Variants in ANKFN1 observed in about 807,000 individuals in gnomAD.
ANKFN1 encodes the protein ankyrin repeat and fibronectin type-III domain-containing protein 1.
Under a neutral mutation model 108.7 loss-of-function variants are expected in ANKFN1, and 74 were observed. The observed-to-expected ratio is 0.68, with a 90% CI of 0.56 to 0.83. The LOEUF (loss-of-function observed/expected upper bound fraction) is 0.83, where lower values mean the gene tolerates loss of function less well. ANKFN1 is among the 40% of genes least tolerant of loss of function. The pLI is 0.00. For synonymous variants in ANKFN1, 547 were observed against 516.2 expected, an observed-to-expected ratio of 1.06 and a Z score of -0.81; for missense variants, 1,505 against 1,382.3, an observed-to-expected ratio of 1.09 and a Z score of -1.41.
chr17:56,332,443 C>A (rs1451415710), intron 4 of ANKFN1, among the ~76,000 whole-genome samples: 1 of 152,052 alleles, frequency 6.6e-6, no homozygotes, highest in African/African-American at 2.4e-5. Context: ...CTAGGATGAT[C>A]TATTTCAGGT....
chr17:56,199,804 A>T (rs1913883049), intron 1 of ANKFN1, among the ~76,000 whole-genome samples: 1 of 152,194 alleles, frequency 6.6e-6, no homozygotes, highest in African/African-American at 2.4e-5. Context: ...GAACACATTT[A>T]TACTAAAAAC....
chr17:56,229,863 T>G (rs1916594766), intron 3 of ANKFN1, among the ~76,000 whole-genome samples: 2 of 151,814 alleles, frequency 1.3e-5, no homozygotes, highest in Admixed American at 6.6e-5. Flanking sequence ...ACAAAATGGG[T>G]CTACCCAGCT....
chr17:56,377,583 G>A (rs1330004154), intron 8 of ANKFN1, among the ~76,000 whole-genome samples: 1 of 152,138 alleles, frequency 6.6e-6, no homozygotes, highest in East Asian at 1.9e-4. Flanking sequence ...GGCTGACAGA[G>A]GAAAACCTAC....
chr17:56,312,572 G>T (rs565476081), intron 3 of ANKFN1, among the ~76,000 whole-genome samples: 1 of 152,198 alleles, frequency 6.6e-6, no homozygotes, highest in East Asian at 1.9e-4. Flanking sequence ...GTCCTCCACA[G>T]ACCTCCTTTC....
chr17:56,130,448 G>A (rs1598119712), intron 4 of ANKFN1, among the ~76,000 whole-genome samples: 1 of 152,076 alleles, frequency 6.6e-6, no homozygotes, highest in Non-Finnish European at 1.5e-5. Context: ...AAAAAAAAAT[G>A]CAAAGTGCAA....
At chr17:56,152,493 G>A (rs545785873), upstream of ANKFN1, among the ~76,000 whole-genome samples, 6 of 151,944 alleles carry the variant, frequency 3.9e-5, no homozygotes, top group Admixed American at 3.9e-4. Context: ...AAAGCAATTA[G>A]ACATTCATGA....
intron 8 of ANKFN1, among the ~76,000 whole-genome samples, chr17:56,430,529 C>CACAT (rs2048721320): frequency 6.6e-6 from 1 of 151,594 alleles, no homozygotes; most frequent in Non-Finnish European, 1.5e-5. Context: ...CACACACACA[C>CACAT]ACACACACAA....
At chr17:56,508,107 G>A (rs905812493) in intron 20 of ANKFN1, among the ~76,000 whole-genome samples, 6 of 152,132 alleles carry the variant, frequency 3.9e-5, no homozygotes, top group Non-Finnish European at 8.8e-5. Context: ...CTCTTGCTTA[G>A]CCCCACAGCC....
chr17:56,147,743 A>G (rs896965712), intron 4 of ANKFN1, among the ~76,000 whole-genome samples: 1 of 152,176 alleles, frequency 6.6e-6, no homozygotes, highest in Admixed American at 6.5e-5. Flanking sequence ...CTTCATATCC[A>G]TGATGTTATT....
At chr17:56,254,423 ATTATCTAAGGGTGG>A (rs1187670722) in intron 3 of ANKFN1, among the ~76,000 whole-genome samples, 2 of 152,178 alleles carry the variant, frequency 1.3e-5, no homozygotes, top group African/African-American at 4.8e-5. Context: ...TGTACCTTTC[ATTATCTAAGGGTGG>A]TTAGTTGTAC....
intron 8 of ANKFN1, among the ~76,000 whole-genome samples, chr17:56,401,205 C>G: frequency 6.6e-6 from 1 of 152,134 alleles, no homozygotes; most frequent in East Asian, 1.9e-4. Context: ...GATATTGGTT[C>G]TACCCATCCA....
intron 8 of ANKFN1, among the ~76,000 whole-genome samples, chr17:56,436,735 C>T (rs1482193493): frequency 2.0e-5 from 3 of 150,798 alleles, no homozygotes; most frequent in Non-Finnish European, 4.4e-5. Context: ...GAGGCTGAGA[C>T]AGGAAAATCA....
chr17:56,055,588 T>TATATA (rs1491237982), intron 4 of ANKFN1, among the ~76,000 whole-genome samples: 1 of 101,724 alleles, frequency 9.8e-6, no homozygotes, highest in Non-Finnish European at 1.8e-5. Context: ...TATATATATA[T>TATATA]GTATATATAC....
Position 56,136,044 on chromosome 17 carries a change from G to A in ANKFN1, c.288+89719G>A, listed in dbSNP as rs189697692. Among the ~76,000 whole-genome samples the A allele has an allele frequency of 5.9e-4, 90 of 152,184 alleles. 1 individual carries two copies. The highest frequency in any genetic ancestry group is 1.9e-3 in the African/African-American group (77 of 41,530). On this transcript the variant is annotated intron_variant, in intron 4 of 12. Transcript: ENST00000635860. The stretch of plus-strand genomic sequence containing the variant: ...AAGAACAATAAAAGAGATTTTTAGG[G>A]GCCATCACATAAAAGAACCCCATTA...
intron 4 of ANKFN1, among the ~76,000 whole-genome samples, chr17:56,338,298 G>A (rs2045871024): frequency 6.6e-6 from 1 of 152,084 alleles, no homozygotes; most frequent in South Asian, 2.1e-4. Flanking sequence ...ACCAGGGCCT[G>A]TAGTGGGGTG....
chr17:56,336,300 C>T (rs1213942390), intron 4 of ANKFN1, among the ~76,000 whole-genome samples: 1 of 152,144 alleles, frequency 6.6e-6, no homozygotes, highest in African/African-American at 2.4e-5. Context: ...ATGGTACCAG[C>T]TCCTCTTTGT....
intron 1 of ANKFN1, among the ~76,000 whole-genome samples, chr17:56,166,830 G>A (rs1368204722): frequency 1.3e-5 from 2 of 152,052 alleles, no homozygotes; most frequent in African/African-American, 4.8e-5. Context: ...CTTTTTGATT[G>A]CTGTATTGAA....
At chr17:56,448,977 G>GA (rs1481286296) in intron 10 of ANKFN1, 102 bp from the exon 11 acceptor site, 2 of 899,280 alleles carry the variant, frequency 2.2e-6, no homozygotes, top group Non-Finnish European at 3.6e-6. Context: ...CATCCGCAGA[G>GA]ACTGTGGGTA....
rs1394989258 is a variant in ANKFN1, at chr17:56,394,647, A to G, written c.910+19933A>G. ...TGGGAGCCTGGCAGTTGCTGAGCCC[A>G]TACGCCTCAGGGACTGGTGAGCTTC... On this transcript the variant is annotated intron_variant, in intron 8 of 20. Transcript: ENST00000682825. Among the ~76,000 whole-genome samples, 4 of 152,066 alleles carry G rather than the reference A, an allele frequency of 2.6e-5. 1 individual carries two copies. The highest frequency in any genetic ancestry group is 2.0e-4 in the Admixed American group (3 of 15,266).
Sources: gnomAD v4.1 joint callset for allele counts (sites outside exome capture counted in the v4.1 genomes callset) on GRCh38, gnomAD v4.1.1 for gene constraint, MANE v1.5 for transcripts, NCBI Gene and HGNC (gene_info 2026-07-23, HGNC 2026-07-21) for gene names.